INPP4A: variants seen among roughly 807,000 people sequenced by gnomAD.
INPP4A encodes inositol polyphosphate-4-phosphatase type I A.
INPP4A carries 33 observed loss-of-function variants against 119.8 expected under a neutral mutation model. That is an observed-to-expected ratio of 0.28 (90% CI 0.21 to 0.37). The LOEUF (loss-of-function observed/expected upper bound fraction) is 0.37, where lower values mean the gene tolerates loss of function less well. Among genes scored for constraint, INPP4A ranks in the 10% least tolerant of loss-of-function variants. The pLI is 1.00. For missense variants in INPP4A, 956 were observed against 1,289.9 expected, an observed-to-expected ratio of 0.74 and a Z score of 3.97; for synonymous variants, 496 against 500.7, an observed-to-expected ratio of 0.99 and a Z score of 0.12.
intron 11 of INPP4A, among the ~76,000 whole-genome samples, chr2:98,545,092 G>T (rs768957045): frequency 2.0e-5 from 3 of 152,118 alleles, no homozygotes; most frequent in Admixed American, 2.0e-4. Context: ...ACAGGCTCTC[G>T]GATGCTCATG....
intron 1 of INPP4A, among the ~76,000 whole-genome samples, chr2:98,476,808 C>T (rs932802048): frequency 5.3e-5 from 8 of 152,176 alleles, no homozygotes; most frequent in African/African-American, 1.9e-4. Flanking sequence ...TGGCCTGTGA[C>T]GATAGCGGGT....
In INPP4A at chr2:98,519,940, T is replaced by A; in HGVS notation, c.-103-6T>A. On this transcript the variant is annotated splice_polypyrimidine_tract_variant and splice_region_variant and intron_variant, in intron 2 of 24. Coordinates refer to ENST00000409851, the MANE Select transcript of INPP4A (RefSeq NM_001134225.2). ...CATGGTTTCTTACAAGTGCTCCTTT[T>A]CTCAGGGCTACTGCCACTTTAGTGG... 1.2e-6 allele frequency: 1 copy of A among 801,710 alleles called. No homozygotes were observed. The highest frequency in any genetic ancestry group is 1.7e-5 in the African/African-American group (1 of 58,444). 49.7% of individuals were successfully genotyped at this position (801,710 alleles called of 1,614,324 possible). A position where few individuals can be genotyped will look rare whatever the true frequency, so the allele number is the denominator to read the frequency against.
At chr2:98,509,980 A>G (rs1330496852) in intron 1 of INPP4A, among the ~76,000 whole-genome samples, 1 of 152,194 alleles carries the variant, frequency 6.6e-6, no homozygotes, top group East Asian at 1.9e-4. Context: ...AGTCCCAGAG[A>G]GGGTGGCTGA....
At chr2:98,503,633 C>T (rs1407187776) in intron 1 of INPP4A, among the ~76,000 whole-genome samples, 1 of 152,234 alleles carries the variant, frequency 6.6e-6, no homozygotes, top group East Asian at 1.9e-4. Flanking sequence ...GAGATCACTT[C>T]TGATTCACTT....
chr2:98,485,408 G>C (rs953737105), intron 1 of INPP4A, among the ~76,000 whole-genome samples: 2 of 152,136 alleles, frequency 1.3e-5, no homozygotes, highest in East Asian at 1.9e-4. Flanking sequence ...AGGTATCTGT[G>C]GGGGGTGGGG....
chr2:98,502,163 G>C (rs1683248997), intron 1 of INPP4A, among the ~76,000 whole-genome samples: 1 of 152,180 alleles, frequency 6.6e-6, no homozygotes, highest in Non-Finnish European at 1.5e-5. Flanking sequence ...GGTGATACCT[G>C]TGTTCTCCTG....
At chr2:98,493,652 T>TTCCCAACA (rs1681319619) in intron 1 of INPP4A, among the ~76,000 whole-genome samples, 1 of 152,004 alleles carries the variant, frequency 6.6e-6, no homozygotes, top group Non-Finnish European at 1.5e-5. Flanking sequence ...CTGCCTTGGC[T>TTCCCAACA]TCCCAAAGTG....
chr2:98,492,166 G>A (rs550797448), intron 1 of INPP4A, among the ~76,000 whole-genome samples: 7 of 152,174 alleles, frequency 4.6e-5, no homozygotes, highest in Middle Eastern at 3.4e-3. Flanking sequence ...TGGGATTACC[G>A]GTGTGAGCCA....
Position 98,563,465 on chromosome 2 carries a change from G to A in INPP4A, c.1856G>A (p.Gly619Asp), listed in dbSNP as rs1190712972. 6.2e-7 allele frequency: 1 copy of A among 1,612,030 alleles called. No homozygotes were observed. Among genetic ancestry groups the A allele is most frequent in the African/African-American group, 1.3e-5 (1 of 74,864 alleles). ...GATGACCCCTTCGCTTGTGCCCCAGGTGAATGGAGTGAGGCCCTTTACCCG... is the reference window on the plus strand; with the variant it reads ...GATGACCCCTTCGCTTGTGCCCCAGATGAATGGAGTGAGGCCCTTTACCCG... ...CSPPPEESSPGEWSEALYPLL... is the reference protein window; with the variant it reads ...CSPPPEESSPDEWSEALYPLL... Residue 619 changes from glycine to aspartate, a missense_variant and splice_region_variant, in exon 18 of 25, where the codon GGT (glycine) becomes GAT (aspartate). Coordinates refer to ENST00000409851, the MANE Select transcript of INPP4A (RefSeq NM_001134225.2).
Position 98,570,145 on chromosome 2 carries a change from G to T in INPP4A, c.2518+1477G>T, listed in dbSNP as rs1470868501. ...CCGTCCCGCTGATGAGAGAGGCGCA[G>T]GGCTACAGGGGACCGACAGCGAGTG... On this transcript the variant is annotated intron_variant, in intron 22 of 24. Transcript: ENST00000409851. This position sits in a 1 kb window ranked among gnomAD's most constrained non-coding sequence, Gnocchi z 4.3. Among the ~76,000 whole-genome samples the T allele has an allele frequency of 6.6e-6, 1 of 152,170 alleles. No homozygotes were observed. The highest frequency in any genetic ancestry group is 2.4e-5 in the African/African-American group (1 of 41,442).
intron 13 of INPP4A, among the ~76,000 whole-genome samples, chr2:98,547,868 G>T (rs1354024120): frequency 6.6e-6 from 1 of 151,988 alleles, no homozygotes; most frequent in Non-Finnish European, 1.5e-5. Context: ...GGCTGGGGAG[G>T]GTCAGACTCA....
chr2:98,568,738 G>T (rs543674250), intron 22 of INPP4A, 70 bp downstream of exon 22: 49 of 842,852 alleles, frequency 5.8e-5, no homozygotes, highest in Non-Finnish European at 8.8e-5. Context: ...TCTGAGCTCT[G>T]GCTTGCCCTG....
chr2:98,568,960 C>G (rs1001856), intron 22 of INPP4A: 212,284 of 276,428 alleles, frequency 0.77, 83,142 homozygotes, highest in African/African-American at 0.94. Context: ...TTGTGCACCT[C>G]CTGGTAGGAC....
rs1693773064 is a variant in INPP4A at position 98,552,809 on chromosome 2, T to C, written c.1187T>C (p.Ile396Thr). ...AGTACATCATCTGGCTGCCAGTCCA[T>C]AATCTACATACCCCAGGATGTTGTC... is the stretch of plus-strand genomic sequence containing the variant. ...KKHTSSGCQSIIYIPQDVVRA... is the reference protein window; with the variant it reads ...KKHTSSGCQSTIYIPQDVVRA... Residue 396 changes from isoleucine to threonine, a missense_variant, in exon 14 of 25, where the codon ATA (isoleucine) becomes ACA (threonine). By Grantham distance (89) the Ile-to-Thr change is moderately conservative (BLOSUM62 -1). Coordinates refer to ENST00000409851, the MANE Select transcript of INPP4A (RefSeq NM_001134225.2). The C allele has an allele frequency of 9.3e-6, 15 of 1,613,626 alleles. No homozygotes were observed. Among genetic ancestry groups the C allele is most frequent in the Non-Finnish European group, 1.3e-5 (15 of 1,179,606 alleles).
intron 10 of INPP4A, among the ~76,000 whole-genome samples, chr2:98,543,263 G>A (rs1378642207): frequency 6.6e-6 from 1 of 152,192 alleles, no homozygotes; most frequent in Non-Finnish European, 1.5e-5. Context: ...GACTGCAGCA[G>A]GATCTGTGGT....
chr2:98,576,893 C>T (rs956257139), intron 23 of INPP4A, 96 bp from the exon 24 acceptor site: 73 of 1,440,936 alleles, frequency 5.1e-5, no homozygotes, highest in Middle Eastern at 2.0e-4. Context: ...CTGTTCCTGC[C>T]CTTGCTGGGC....
intron 5 of INPP4A, 86 bp downstream of exon 5, chr2:98,533,581 T>A: frequency 2.5e-6 from 2 of 810,946 alleles, no homozygotes; most frequent in Non-Finnish European, 4.3e-6. Context: ...CTTGTGCATC[T>A]GTAGCTGAAG....
intron 1 of INPP4A, among the ~76,000 whole-genome samples, chr2:98,504,319 T>C (rs948143785): frequency 9.9e-5 from 15 of 152,246 alleles, no homozygotes; most frequent in Non-Finnish European, 1.8e-4. Flanking sequence ...GTGTCTCTGC[T>C]AAGTGTTCAC....
chr2:98,510,993 G>A (rs528885778), intron 1 of INPP4A, among the ~76,000 whole-genome samples: 6 of 152,142 alleles, frequency 3.9e-5, no homozygotes, highest in African/African-American at 1.2e-4. Context: ...CCTAAGTCAG[G>A]TCATTTGTGT....
Sources: gnomAD v4.1 joint callset for allele counts (sites outside exome capture counted in the v4.1 genomes callset) on GRCh38, gnomAD v4.1.1 for gene constraint, Gnocchi (gnomAD v3.1) non-coding constraint, MANE v1.5 for transcripts, NCBI Gene and HGNC (gene_info 2026-07-23, HGNC 2026-07-21) for gene names.